ZBTB46: variants seen among roughly 807,000 people sequenced by gnomAD.
ZBTB46 encodes the protein zinc finger and BTB domain-containing protein 46.
A neutral mutation model predicts 44.1 loss-of-function variants in ZBTB46; 8 were observed. That is an observed-to-expected ratio of 0.18 (90% CI 0.11 to 0.33). ZBTB46 has a LOEUF of 0.33. ZBTB46 is among the 10% of genes least tolerant of loss of function. The pLI is 1.00. For missense variants in ZBTB46, 651 were observed against 847.7 expected, an observed-to-expected ratio of 0.77 and a Z score of 2.88; for synonymous variants, 409 against 382.3, an observed-to-expected ratio of 1.07 and a Z score of -0.81.
intron 1 of ZBTB46, among the ~76,000 whole-genome samples, chr20:63,809,001 A>T (rs1421791820): frequency 2.1e-5 from 3 of 141,908 alleles, no homozygotes; most frequent in Non-Finnish European, 4.5e-5. Flanking sequence ...AAAAAAAAAG[A>T]AAAAGAAAAA....
intron 1 of ZBTB46, among the ~76,000 whole-genome samples, chr20:63,818,020 C>T (rs2092769955): frequency 6.6e-6 from 1 of 152,172 alleles, no homozygotes; most frequent in African/African-American, 2.4e-5. Flanking sequence ...AGGAACTCGC[C>T]CAAACAGCAA....
At chr20:63,807,049 T>C (rs1350090416) in intron 1 of ZBTB46, among the ~76,000 whole-genome samples, 1 of 152,196 alleles carries the variant, frequency 6.6e-6, no homozygotes, top group African/African-American at 2.4e-5. Context: ...CCCAAAGTGC[T>C]GGGATTACAG....
intron 2 of ZBTB46, 86 bp from the exon 3 acceptor site, chr20:63,776,048 G>A (rs994972019): frequency 5.5e-6 from 8 of 1,446,020 alleles, no homozygotes; most frequent in Middle Eastern, 1.8e-4. Flanking sequence ...GAAGGACAGC[G>A]ACCAGCTTCT....
intron 3 of ZBTB46, among the ~76,000 whole-genome samples, chr20:63,763,598 A>G (rs1345547583): frequency 6.6e-6 from 1 of 152,176 alleles, no homozygotes; most frequent in Non-Finnish European, 1.5e-5. Context: ...TGAGGACAGC[A>G]CTAAGGGGAG....
chr20:63,805,765 C>CT (rs370417896), intron 1 of ZBTB46, among the ~76,000 whole-genome samples: 3 of 149,406 alleles, frequency 2.0e-5, no homozygotes, highest in Admixed American at 1.3e-4. Context: ...TTTTTTTTTC[C>CT]TTTTTTTTGA....
chr20:63,784,625 G>A (rs1014178681), intron 2 of ZBTB46, among the ~76,000 whole-genome samples: 1 of 152,234 alleles, frequency 6.6e-6, no homozygotes, highest in Non-Finnish European at 1.5e-5. Context: ...CTCCGCAGAT[G>A]AGAAGGAGAC....
intron 1 of ZBTB46, among the ~76,000 whole-genome samples, chr20:63,802,265 A>T (rs1178738117): frequency 6.6e-6 from 1 of 152,118 alleles, no homozygotes; most frequent in Non-Finnish European, 1.5e-5. Context: ...TCTACTAAAA[A>T]TACAAATATT....
chr20:63,776,926 A>G (rs1601444395), intron 2 of ZBTB46, among the ~76,000 whole-genome samples: 1 of 152,370 alleles, frequency 6.6e-6, no homozygotes. Context: ...TAAATGGCCA[A>G]GACGCACAGG....
At chr20:63,748,309 G>A (rs1271263636) in intron 4 of ZBTB46, among the ~76,000 whole-genome samples, 1 of 152,228 alleles carries the variant, frequency 6.6e-6, no homozygotes, top group African/African-American at 2.4e-5. Flanking sequence ...CGAGGTGCTG[G>A]GTTCCTGGAG....
At chr20:63,829,657 C>G (rs899561625) in intron 1 of ZBTB46, among the ~76,000 whole-genome samples, 1 of 152,238 alleles carries the variant, frequency 6.6e-6, no homozygotes. Context: ...GTTGGAAACA[C>G]GTAAAACACA....
chr20:63,793,278 T>C (rs958574073), intron 1 of ZBTB46, among the ~76,000 whole-genome samples: 1 of 152,062 alleles, frequency 6.6e-6, no homozygotes, highest in African/African-American at 2.4e-5. Flanking sequence ...GAGCAGGCTG[T>C]GGGGAGGGGG....
chr20:63,795,660 C>T (rs1418040782), intron 1 of ZBTB46, among the ~76,000 whole-genome samples: 2 of 152,220 alleles, frequency 1.3e-5, no homozygotes, highest in African/African-American at 4.8e-5. Context: ...ACCCATCGTG[C>T]CGTCCTGTGC....
chr20:63,791,495 CAAAA>C (rs59810640), intron 1 of ZBTB46, among the ~76,000 whole-genome samples: 396 of 61,178 alleles, frequency 6.5e-3, no homozygotes, highest in African/African-American at 0.026. Flanking sequence ...GACTCCATCT[CAAAA>C]AAAAAAAAAA....
intron 1 of ZBTB46, among the ~76,000 whole-genome samples, chr20:63,829,737 A>C (rs995316768): frequency 2.6e-5 from 4 of 152,232 alleles, no homozygotes; most frequent in Admixed American, 6.5e-5. Context: ...AACCCCTTCT[A>C]TACATTTCCT....
At chr20:63,800,654 G>C (rs2092636804) in intron 1 of ZBTB46, among the ~76,000 whole-genome samples, 1 of 152,222 alleles carries the variant, frequency 6.6e-6, no homozygotes, top group Non-Finnish European at 1.5e-5. Context: ...CCCACACTCG[G>C]AGCGGCCCAG....
rs551000563 is a variant in ZBTB46 at position 63,760,915 on chromosome 20, G to A, written c.1223-8054C>T. On this transcript the variant is annotated intron_variant, in intron 3 of 4. Transcript: ENST00000245663. ...AGCGAGCCTTCTGACTTAACCTCCC[G>A]AAGTGCTGGGATTACAGGTGTGCAC... Among the ~76,000 whole-genome samples, 15 of 149,722 alleles carry A rather than the reference G, an allele frequency of 1.0e-4. 1 individual carries two copies. Among genetic ancestry groups the A allele is most frequent in the Non-Finnish European group, 1.8e-4 (12 of 67,074 alleles).
rs527944649 is a variant in ZBTB46, at chr20:63,745,798, C to T, written c.*1132G>A. 6.6e-6 allele frequency: 1 copy of T among 152,440 alleles called. No homozygotes were observed. The highest frequency in any genetic ancestry group is 6.5e-5 in the Admixed American group (1 of 15,304). 9.4% of individuals were successfully genotyped at this position (152,440 alleles called of 1,614,324 possible). ...CCAGGCGGTGCACCACAGCACACAC[C>T]GTGGGACCTTTGCTTTTCACTCAGG... On this transcript the variant is annotated 3_prime_UTR_variant, in exon 5 of 5. Transcript: ENST00000245663.
At chr20:63,772,516 C>T (rs1453497665) in intron 3 of ZBTB46, among the ~76,000 whole-genome samples, 2 of 151,470 alleles carry the variant, frequency 1.3e-5, no homozygotes, top group Non-Finnish European at 2.9e-5. Flanking sequence ...CTCAGGAGTT[C>T]GAGACCAGCC....
chr20:63,744,876 G>T lies in ZBTB46; in HGVS notation c.*2054C>A, dbSNP rs1398282648. The T allele has an allele frequency of 1.3e-5, 2 of 152,496 alleles. No individual in the cohort carries two copies. The highest frequency in any genetic ancestry group is 2.9e-5 in the Non-Finnish European group (2 of 68,098). 9.4% of individuals were successfully genotyped at this position (152,496 alleles called of 1,614,324 possible). A position where few individuals can be genotyped will look rare whatever the true frequency, so the allele number is the denominator to read the frequency against. On this transcript the variant is annotated 3_prime_UTR_variant, in exon 5 of 5. Coordinates refer to ENST00000245663, the MANE Select transcript of ZBTB46 (RefSeq NM_001369741.1). ...GAGTGTGGAGGGGGAGGCGGGCCTG[G>T]GTCCTGGGCAGGGTGGCCTGAGAGC... is the stretch of plus-strand genomic sequence containing the variant.
Sources: allele counts gnomAD v4.1 joint callset (sites outside exome capture counted in the v4.1 genomes callset), GRCh38; gene constraint gnomAD v4.1.1; transcripts MANE v1.5; gene names NCBI Gene and HGNC (gene_info 2026-07-23, HGNC 2026-07-21).